LRRC37A: variants seen among roughly 807,000 people sequenced by gnomAD.
The protein encoded by LRRC37A is leucine-rich repeat-containing protein 37A.
LRRC37A carries 3 observed loss-of-function variants against 35.4 expected under a neutral mutation model. That is an observed-to-expected ratio of 0.08 (90% confidence interval 0.04 to 0.22). The LOEUF is 0.22. LRRC37A is among the 10% of genes least tolerant of loss of function. LRRC37A has a pLI of 1.00. For missense variants in LRRC37A, 67 were observed against 565.3 expected (o/e 0.12, Z 8.94); for synonymous variants, 23 against 215.0 (o/e 0.11, Z 7.81).
At chr17:46,267,893 C>CTTTTTTTTTTTTTTTTTTTTTTTTTTTT in the LRRC37A span, among the ~76,000 whole-genome samples, 1 of 89,246 alleles carries the variant, frequency 1.1e-5, no homozygotes, top group Non-Finnish European at 2.0e-5. Flanking sequence ...ACTCCCACAT[C>CTTTTTTTTTTTTTTTTTTTTTTTTTTTT]TTTTTTTTTT....
rs2051911280 is a variant in LRRC37A at position 46,331,128 on chromosome 17, G to A, written c.3851G>A (p.Ser1284Asn). 2 of 726,140 alleles carry A rather than the reference G, an allele frequency of 2.8e-6. 1 individual carries two copies. The highest frequency in any genetic ancestry group is 5.8e-5 in the Admixed American group (2 of 34,724). 45.0% of individuals were successfully genotyped at this position (726,140 alleles called of 1,614,324 possible). A position where few individuals can be genotyped will look rare whatever the true frequency, so the allele number is the denominator to read the frequency against. Residue 1284 changes from serine to asparagine, a missense_variant, in exon 9 of 14, where the codon AGT becomes AAT. Coordinates refer to ENST00000320254, the Ensembl canonical transcript of LRRC37A. ...ACCCACGCTATTTCCATTTTAGAAA[G>A]TGCAAAGGCTAGAGTTACAAATACG...
chr17:46,267,720 A>G, the LRRC37A span, among the ~76,000 whole-genome samples: 3 of 151,962 alleles, frequency 2.0e-5, no homozygotes, highest in African/African-American at 7.3e-5. Context: ...CCCACGGGTG[A>G]GAACGGCAGC....
At chr17:46,336,184 T>C (rs1295917122) in intron 11 of LRRC37A, among the ~76,000 whole-genome samples, 1 of 31,028 alleles carries the variant, frequency 3.2e-5, no homozygotes, top group Admixed American at 3.7e-4. Context: ...GTATTTTCTC[T>C]TTTATTTCTT....
At chr17:46,267,403 C>T in the LRRC37A span, 1 of 1,608,488 alleles carries the variant, frequency 6.2e-7, no homozygotes, top group Non-Finnish European at 8.5e-7. Context: ...TCGGGACGGG[C>T]TGTACAAGAT....
the LRRC37A span, among the ~76,000 whole-genome samples, chr17:46,276,790 C>CTTTTTTTTT: frequency 1.1e-3 from 152 of 134,064 alleles, no homozygotes; most frequent in Non-Finnish European, 1.5e-3. Flanking sequence ...TTCTTTTTTT[C>CTTTTTTTTT]TTTTTTTTTT....
chr17:46,284,879 C>T, the LRRC37A span, among the ~76,000 whole-genome samples: 1 of 152,138 alleles, frequency 6.6e-6, no homozygotes, highest in Non-Finnish European at 1.5e-5. Context: ...TATTTCCCCC[C>T]ATTGTTTTGA....
chr17:46,273,366 T>C, the LRRC37A span, among the ~76,000 whole-genome samples: 5 of 152,368 alleles, frequency 3.3e-5, no homozygotes, highest in East Asian at 9.6e-4. Context: ...TCTCTTTAGT[T>C]TGTAAACATA....
the LRRC37A span, among the ~76,000 whole-genome samples, chr17:46,276,137 C>T: frequency 2.0e-5 from 3 of 152,208 alleles, no homozygotes; most frequent in Non-Finnish European, 4.4e-5. Flanking sequence ...GTGATCCGCC[C>T]GCCTCGGCCT....
the LRRC37A span, among the ~76,000 whole-genome samples, chr17:46,276,550 T>C: frequency 3.3e-5 from 5 of 152,168 alleles, no homozygotes; most frequent in Non-Finnish European, 7.3e-5. Context: ...ATGGTATAAA[T>C]GATGAATTAT....
At chr17:46,272,916 A>G in the LRRC37A span, among the ~76,000 whole-genome samples, 1 of 152,224 alleles carries the variant, frequency 6.6e-6, no homozygotes, top group African/African-American at 2.4e-5. Context: ...GCTAACAGCT[A>G]CAGAAGACAT....
the LRRC37A span, among the ~76,000 whole-genome samples, chr17:46,272,976 G>A: frequency 6.6e-6 from 1 of 152,142 alleles, no homozygotes; most frequent in Non-Finnish European, 1.5e-5. Flanking sequence ...CAAATCCAAT[G>A]TCAAAAACAT....
the LRRC37A span, among the ~76,000 whole-genome samples, chr17:46,280,544 T>C: frequency 4.0e-5 from 6 of 151,714 alleles, no homozygotes; most frequent in East Asian, 9.7e-4. Flanking sequence ...AGAAAAAAAT[T>C]TGTTTCCTTA....
At chr17:46,288,215 C>G (rs1412973168), upstream of LRRC37A, among the ~76,000 whole-genome samples, 3 of 152,196 alleles carry the variant, frequency 2.0e-5, no homozygotes, top group Admixed American at 1.3e-4. Context: ...GATCACGGCC[C>G]CCTGCAGCCT....
At chr17:46,317,151 C>T (rs1320574118) in intron 5 of LRRC37A, among the ~76,000 whole-genome samples, 5 of 89,400 alleles carry the variant, frequency 5.6e-5, no homozygotes, top group Non-Finnish European at 1.6e-4. Flanking sequence ...GGGGTGGCGG[C>T]CGGGCAGAGG....
At chr17:46,264,545 A>C in the LRRC37A span, among the ~76,000 whole-genome samples, 1 of 152,254 alleles carries the variant, frequency 6.6e-6, no homozygotes, top group Non-Finnish European at 1.5e-5. Context: ...TGTTTATAGA[A>C]AGAGAATGCT....
At chr17:46,256,822 G>A in the LRRC37A span, among the ~76,000 whole-genome samples, 2 of 152,202 alleles carry the variant, frequency 1.3e-5, no homozygotes, top group South Asian at 4.2e-4. Flanking sequence ...AGGTCTTATG[G>A]AATAAAGTAT....
At chr17:46,249,602 C>A in the LRRC37A span, among the ~76,000 whole-genome samples, 1 of 152,184 alleles carries the variant, frequency 6.6e-6, no homozygotes. Context: ...AACAAACCAG[C>A]CCTACCTAAG....
the LRRC37A span, among the ~76,000 whole-genome samples, chr17:46,276,790 CTTTTTTT>C: frequency 6.7e-5 from 9 of 134,316 alleles, no homozygotes; most frequent in South Asian, 6.9e-4. Flanking sequence ...TTCTTTTTTT[CTTTTTTT>C]TTTTTTTTTT....
chr17:46,276,011 C>T, the LRRC37A span, among the ~76,000 whole-genome samples: 1 of 152,212 alleles, frequency 6.6e-6, no homozygotes, highest in South Asian at 2.1e-4. Context: ...CTGCCTCAGC[C>T]TCCCGAGTAG....
Sources: gnomAD v4.1 joint callset for allele counts (sites outside exome capture counted in the v4.1 genomes callset) on GRCh38, gnomAD v4.1.1 for gene constraint, MANE v1.5 for transcripts, NCBI Gene and HGNC (gene_info 2026-07-23, HGNC 2026-07-21) for gene names.